SLC7A14: variants seen among roughly 807,000 people sequenced by gnomAD.
SLC7A14 encodes the protein gamma-aminobutyric acid transporter SLC7A14.
A neutral mutation model predicts 60.2 loss-of-function variants in SLC7A14; 37 were observed. That is an observed-to-expected ratio of 0.61 (90% CI 0.47 to 0.81). The LOEUF (loss-of-function observed/expected upper bound fraction) is 0.81. SLC7A14 is among the 30% of genes least tolerant of loss of function. The probability of loss-of-function intolerance (pLI) is 0.00; values close to 1 mark genes in which losing one functional copy is unlikely to be tolerated. For missense variants in SLC7A14, 886 were observed against 982.7 expected (o/e 0.90, Z 1.32); for synonymous variants, 399 against 395.8 (o/e 1.01, Z -0.10).
chr3:170,561,339 C>T lies in SLC7A14; in HGVS notation c.-153+24572G>A, dbSNP rs111743242. The stretch of plus-strand genomic sequence containing the variant: ...TGGGCAATTGCTGTGTGTGCATCTT[C>T]GTACAAAATATATGTGCAGTTTTCC... On this transcript the variant is annotated intron_variant, in intron 1 of 7. Transcript: ENST00000231706. Among the ~76,000 whole-genome samples the T allele has an allele frequency of 7.3e-3, 1,109 of 152,296 alleles. 15 individuals are homozygous for T. Among genetic ancestry groups the T allele is most frequent in the African/African-American group, 0.025 (1,029 of 41,552 alleles).
intron 1 of SLC7A14, among the ~76,000 whole-genome samples, chr3:170,570,912 G>A (rs182455560): frequency 4.6e-5 from 7 of 152,118 alleles, no homozygotes; most frequent in Admixed American, 3.9e-4. Flanking sequence ...GTAGTGGTGA[G>A]GTCTGGGCTT....
intron 7 of SLC7A14, among the ~76,000 whole-genome samples, chr3:170,474,456 C>T (rs772233943): frequency 2.6e-5 from 4 of 152,220 alleles, no homozygotes; most frequent in Non-Finnish European, 4.4e-5. Context: ...CTTCACCCTC[C>T]CTCCTTGGAA....
intron 4 of SLC7A14, chr3:170,495,765 G>C: frequency 8.5e-7 from 1 of 1,178,002 alleles, no homozygotes; most frequent in South Asian, 1.2e-5. Flanking sequence ...CATCGACAAG[G>C]TACGGTTCCT....
At chr3:170,477,003 T>C (rs181953109) in intron 7 of SLC7A14, 2 of 152,344 alleles carry the variant, frequency 1.3e-5, no homozygotes, top group African/African-American at 4.8e-5. Flanking sequence ...GTTCAGAAAT[T>C]ATTAAGAATT....
chr3:170,546,074 A>G (rs1374709186), intron 1 of SLC7A14, among the ~76,000 whole-genome samples: 1 of 152,266 alleles, frequency 6.6e-6, no homozygotes, highest in African/African-American at 2.4e-5. Context: ...TCTACCAGGC[A>G]ATCCTTTTTG....
At chr3:170,537,877 CAGGCT>C (rs1167101612) in intron 1 of SLC7A14, among the ~76,000 whole-genome samples, 15 of 152,192 alleles carry the variant, frequency 9.9e-5, no homozygotes, top group Non-Finnish European at 1.8e-4. Flanking sequence ...AATGTTATCC[CAGGCT>C]TGGGATAATC....
chr3:170,512,262 T>C (rs1446044716), intron 2 of SLC7A14, among the ~76,000 whole-genome samples: 2 of 152,128 alleles, frequency 1.3e-5, no homozygotes, highest in African/African-American at 4.8e-5. Context: ...CCAGCCCAGA[T>C]GAGGAGCAGG....
rs1279748718 is a variant in SLC7A14 at position 170,466,810 on chromosome 3, C to G, written c.*245G>C. 3.0e-5 allele frequency: 13 copies of G among 439,202 alleles called. No individual in the cohort carries two copies. The highest frequency in any genetic ancestry group is 4.8e-5 in the Non-Finnish European group (12 of 248,690). The allele number at this position is 439,202 out of a possible 1,614,324, so 27.2% of individuals were successfully genotyped here. On this transcript the variant is annotated 3_prime_UTR_variant, in exon 8 of 8. Transcript: ENST00000231706. ...GGTGGTTGCACCTAAGATGGAATTT[C>G]ATATAGCCTCTTGTTTATTTATTTA...
rs768406113 is a variant in SLC7A14 at position 170,498,650 on chromosome 3, G to A, written c.759+17C>T. ...AGAGTGTGTGACAGGCACACCAGGT[G>A]TTTGGAACAAACTTACCCCTGACCA... On this transcript the variant is annotated intron_variant, in intron 4 of 7. Transcript: ENST00000231706. The A allele has an allele frequency of 6.2e-7, 1 of 1,612,936 alleles. No homozygotes were observed. Among genetic ancestry groups the A allele is most frequent in the South Asian group, 1.1e-5 (1 of 91,052 alleles).
At chr3:170,533,962 T>G (rs902191854) in intron 1 of SLC7A14, among the ~76,000 whole-genome samples, 1 of 152,254 alleles carries the variant, frequency 6.6e-6, no homozygotes, top group African/African-American at 2.4e-5. Flanking sequence ...TTGGAATATC[T>G]TTAAAGGGGA....
intron 2 of SLC7A14, among the ~76,000 whole-genome samples, chr3:170,515,310 C>CCG (rs1371905779): frequency 2.0e-5 from 2 of 100,438 alleles, no homozygotes; most frequent in African/African-American, 9.0e-5. Flanking sequence ...GAGACTCTGT[C>CCG]CGCCCCCCCC....
At chr3:170,561,081 C>T (rs1043560715) in intron 1 of SLC7A14, among the ~76,000 whole-genome samples, 1 of 152,152 alleles carries the variant, frequency 6.6e-6, no homozygotes, top group Non-Finnish European at 1.5e-5. Flanking sequence ...AACCTGCCTC[C>T]ACTTCTTCCT....
rs1278926599 is a variant in SLC7A14, at chr3:170,532,785, C to CT, written c.-152-5698dup. 3.3e-5 allele frequency among the ~76,000 whole-genome samples: 5 copies of CT among 152,078 alleles called. No individual in the cohort carries two copies. The highest frequency in any genetic ancestry group is 7.4e-5 in the Non-Finnish European group (5 of 68,022). On this transcript the variant is annotated intron_variant, in intron 1 of 7. Coordinates refer to ENST00000231706, the MANE Select transcript of SLC7A14 (RefSeq NM_020949.3). This position sits in a 1 kb window ranked among gnomAD's most constrained non-coding sequence, Gnocchi z 4.0. The stretch of plus-strand genomic sequence containing the variant: ...CCTGATGCCAAGTCCTTAATCAGGG[C>CT]TTTTTTCTGTTGAACCTCCCCTGGG...
At chr3:170,471,118 T>TGTGTGTGTGA (rs1560247234) in intron 7 of SLC7A14, among the ~76,000 whole-genome samples, 1 of 151,526 alleles carries the variant, frequency 6.6e-6, no homozygotes, top group Non-Finnish European at 1.5e-5. Context: ...TGTGTGTGTG[T>TGTGTGTGTGA]GTGAGTGATT....
At chr3:170,469,167 G>A (rs950893067) in intron 7 of SLC7A14, among the ~76,000 whole-genome samples, 2 of 152,170 alleles carry the variant, frequency 1.3e-5, no homozygotes, top group African/African-American at 4.8e-5. Flanking sequence ...CTTTGACTTT[G>A]CTAACCCTGC....
chr3:170,542,311 C>T lies in SLC7A14; in HGVS notation c.-152-15223G>A, dbSNP rs367761755. ...CTCCTCTCATTGACTCTCCCAGAGG[C>T]AACTAATTGTGTTAATTTCATGGAC... On this transcript the variant is annotated intron_variant, in intron 1 of 7. Coordinates refer to ENST00000231706, the MANE Select transcript of SLC7A14 (RefSeq NM_020949.3). 1.9e-4 allele frequency among the ~76,000 whole-genome samples: 29 copies of T among 152,314 alleles called. No homozygotes were observed. The South Asian group carries it at 5.6e-3, about 29-fold the overall frequency.
At chr3:170,485,763 G>A (rs1577504131) in intron 5 of SLC7A14, among the ~76,000 whole-genome samples, 1 of 152,220 alleles carries the variant, frequency 6.6e-6, no homozygotes, top group East Asian at 1.9e-4. Flanking sequence ...AAGAGAGTTT[G>A]TAGAGGACAA....
chr3:170,567,156 C>A (rs1359835766), intron 1 of SLC7A14, among the ~76,000 whole-genome samples: 2 of 111,676 alleles, frequency 1.8e-5, no homozygotes, highest in East Asian at 6.2e-4. Context: ...TATCCCTCCC[C>A]CCTCCCCCCA....
intron 1 of SLC7A14, among the ~76,000 whole-genome samples, chr3:170,559,574 T>C (rs1286715440): frequency 6.6e-6 from 1 of 152,232 alleles, no homozygotes; most frequent in Non-Finnish European, 1.5e-5. Flanking sequence ...CCTCGAACAC[T>C]CATTAGTTTG....
Sources: gnomAD v4.1 joint callset for allele counts (sites outside exome capture counted in the v4.1 genomes callset) on GRCh38, gnomAD v4.1.1 for gene constraint, Gnocchi (gnomAD v3.1) non-coding constraint, MANE v1.5 for transcripts, NCBI Gene and HGNC (gene_info 2026-07-23, HGNC 2026-07-21) for gene names.